The following SLC1A1 variants were observed in gnomAD, a reference collection of about 807,000 sequenced individuals.
The protein encoded by SLC1A1 is excitatory amino acid transporter 3.
A neutral mutation model predicts 53.3 loss-of-function variants in SLC1A1; 43 were observed. The observed-to-expected ratio is 0.81, with a 90% confidence interval of 0.63 to 1.04. The LOEUF (loss-of-function observed/expected upper bound fraction) is 1.04. SLC1A1 is among the 50% of genes least tolerant of loss of function. The probability of loss-of-function intolerance (pLI) is 0.00; values close to 1 mark genes in which losing one functional copy is unlikely to be tolerated. For synonymous variants in SLC1A1, 307 were observed against 243.2 expected, an observed-to-expected ratio of 1.26 and a Z score of -2.44; for missense variants, 748 against 664.9, an observed-to-expected ratio of 1.12 and a Z score of -1.37.
At chr9:4,579,612 G>A (rs1377703612) in intron 10 of SLC1A1, among the ~76,000 whole-genome samples, 2 of 152,178 alleles carry the variant, frequency 1.3e-5, no homozygotes, top group Admixed American at 6.5e-5. Context: ...AAAACTACTG[G>A]CCCAGAGCCA....
chr9:4,564,184 G>A (rs1216417882), intron 3 of SLC1A1, among the ~76,000 whole-genome samples, 160 bp from the exon 4 acceptor site: 2 of 152,202 alleles, frequency 1.3e-5, no homozygotes, highest in African/African-American at 4.8e-5. Flanking sequence ...TAAGGTGGCT[G>A]CTGAGGTTCC....
At chr9:4,538,224 T>A (rs1816748514) in intron 1 of SLC1A1, among the ~76,000 whole-genome samples, 1 of 152,140 alleles carries the variant, frequency 6.6e-6, no homozygotes, top group African/African-American at 2.4e-5. Context: ...TTTGTACATT[T>A]TAGGGAGATA....
Position 4,506,148 on chromosome 9 carries a change from G to C in SLC1A1, c.91+15378G>C, listed in dbSNP as rs533314072. 2.4e-4 allele frequency among the ~76,000 whole-genome samples: 37 copies of C among 152,020 alleles called. 1 individual carries two copies. The highest frequency in any genetic ancestry group is 6.8e-4 in the African/African-American group (28 of 41,456). On this transcript the variant is annotated intron_variant, in intron 1 of 11. Transcript: ENST00000262352. ...ATTTTTGTACTTTTAGTAGAGACGGGGTTTCGCCATGTTAGCCAGGCTGGT... is the reference window on the plus strand; with the variant it reads ...ATTTTTGTACTTTTAGTAGAGACGGCGTTTCGCCATGTTAGCCAGGCTGGT...
intron 1 of SLC1A1, among the ~76,000 whole-genome samples, chr9:4,542,258 C>T (rs1417738718): frequency 6.6e-6 from 1 of 152,130 alleles, no homozygotes; most frequent in Non-Finnish European, 1.5e-5. Flanking sequence ...CAAGAACAAG[C>T]TTGATAGAAA....
intron 1 of SLC1A1, among the ~76,000 whole-genome samples, chr9:4,525,224 G>A (rs1370548799): frequency 6.6e-6 from 1 of 152,180 alleles, no homozygotes; most frequent in Non-Finnish European, 1.5e-5. Flanking sequence ...AAAACCTTAA[G>A]AAAGTTTGCC....
At chr9:4,561,388 C>G in intron 2 of SLC1A1, 61 bp from the exon 3 acceptor site, 1 of 990,030 alleles carries the variant, frequency 1.0e-6, no homozygotes, top group Non-Finnish European at 1.6e-6. Context: ...AGGATTAAAT[C>G]GCGGGTCCTG....
chr9:4,569,357 A>G (rs185748283), intron 6 of SLC1A1, among the ~76,000 whole-genome samples: 70 of 152,368 alleles, frequency 4.6e-4, no homozygotes, highest in African/African-American at 1.7e-3. Context: ...TAACAAACTC[A>G]TAAATATTCT....
intron 1 of SLC1A1, among the ~76,000 whole-genome samples, chr9:4,504,901 T>G (rs1820747328): frequency 6.6e-6 from 1 of 152,196 alleles, no homozygotes; most frequent in Non-Finnish European, 1.5e-5. Context: ...TGTCTTTTTG[T>G]AGCAAGATTG....
chr9:4,532,919 A>G (rs1244546832), intron 1 of SLC1A1, among the ~76,000 whole-genome samples: 1 of 152,174 alleles, frequency 6.6e-6, no homozygotes, highest in Non-Finnish European at 1.5e-5. Context: ...CAACATTCTT[A>G]TAGAAAAGAA....
intron 1 of SLC1A1, among the ~76,000 whole-genome samples, chr9:4,525,128 C>A (rs150382933): frequency 6.6e-6 from 1 of 152,092 alleles, no homozygotes; most frequent in Non-Finnish European, 1.5e-5. Context: ...GGAGTCTAAA[C>A]GAAACCTTGA....
At chr9:4,536,492 G>A (rs1405217388) in intron 1 of SLC1A1, among the ~76,000 whole-genome samples, 1 of 152,176 alleles carries the variant, frequency 6.6e-6, no homozygotes, top group African/African-American at 2.4e-5. Context: ...ACCACATTGA[G>A]ATACCATCTC....
At chr9:4,507,891 G>C (rs565010988) in intron 1 of SLC1A1, among the ~76,000 whole-genome samples, 1 of 152,160 alleles carries the variant, frequency 6.6e-6, no homozygotes, top group South Asian at 2.1e-4. Flanking sequence ...GGCTTCCTAA[G>C]ATTGTGTAGT....
chr9:4,563,741 T>C (rs925594119), intron 3 of SLC1A1, among the ~76,000 whole-genome samples: 2 of 152,226 alleles, frequency 1.3e-5, no homozygotes, highest in African/African-American at 2.4e-5. Context: ...CTCTGCCATG[T>C]AGACAGTTCT....
chr9:4,492,137 G>A (rs982399032), intron 1 of SLC1A1, among the ~76,000 whole-genome samples: 1 of 152,122 alleles, frequency 6.6e-6, no homozygotes, highest in Admixed American at 6.5e-5. Context: ...GAAGTGCCAA[G>A]TGGTTTTGGA....
chr9:4,544,859 C>A, intron 2 of SLC1A1, 152 bp downstream of exon 2: 1 of 717,942 alleles, frequency 1.4e-6, no homozygotes, highest in Non-Finnish European at 2.3e-6. Flanking sequence ...ACAATCATGG[C>A]GGAAGGCAAA....
chr9:4,578,790 GAC>G (rs1208538209), intron 10 of SLC1A1, among the ~76,000 whole-genome samples: 1 of 152,222 alleles, frequency 6.6e-6, no homozygotes, highest in Non-Finnish European at 1.5e-5. Context: ...GGATAGCACA[GAC>G]ACAGAATAGT....
chr9:4,513,507 C>G (rs1821063137), intron 1 of SLC1A1, among the ~76,000 whole-genome samples: 1 of 152,020 alleles, frequency 6.6e-6, no homozygotes, highest in Non-Finnish European at 1.5e-5. Flanking sequence ...CAATAAGATG[C>G]CAGTAAATAC....
At chr9:4,494,233 A>G (rs1412514758) in intron 1 of SLC1A1, among the ~76,000 whole-genome samples, 2 of 152,154 alleles carry the variant, frequency 1.3e-5, no homozygotes, top group East Asian at 3.8e-4. Flanking sequence ...ATCAAGCTCT[A>G]TCATGCAGGC....
intron 1 of SLC1A1, among the ~76,000 whole-genome samples, chr9:4,511,797 T>C (rs1586699973): frequency 6.6e-6 from 1 of 152,166 alleles, no homozygotes. Context: ...TATTCACAGA[T>C]GGCATGATTT....
Sources: allele counts gnomAD v4.1 joint callset (sites outside exome capture counted in the v4.1 genomes callset), GRCh38; gene constraint gnomAD v4.1.1; transcripts MANE v1.5; gene names NCBI Gene and HGNC (gene_info 2026-07-23, HGNC 2026-07-21).